DIAPH2: variants seen among roughly 807,000 people sequenced by gnomAD.
The protein encoded by DIAPH2 is diaphanous related formin 2.
In DIAPH2, 35 loss-of-function variants were observed where a neutral mutation model predicts 92.7. That is an observed-to-expected ratio of 0.38 (90% CI 0.29 to 0.50). DIAPH2 has a LOEUF of 0.50. DIAPH2 is among the 20% of genes least tolerant of loss of function. DIAPH2 has a pLI of 0.94. For synonymous variants in DIAPH2, 301 were observed against 280.4 expected, an observed-to-expected ratio of 1.07 and a Z score of -0.73; for missense variants, 701 against 819.5, an observed-to-expected ratio of 0.86 and a Z score of 1.77.
chrX:97,530,264 A>T (rs910194852), intron 26 of DIAPH2, among the ~76,000 whole-genome samples: 9 of 111,678 alleles, frequency 8.1e-5, no homozygotes, highest in African/African-American at 2.9e-4. Flanking sequence ...AAAAAGCCTA[A>T]CCCGTCAAGC....
chrX:96,948,980 CA>C lies in DIAPH2; in HGVS notation c.1561del (p.Arg521GlufsTer40). 1 of 1,203,886 alleles carries C rather than the reference CA, an allele frequency of 8.3e-7. No individual in the cohort carries two copies. On this transcript the variant is annotated frameshift_variant, in exon 15 of 27. Coordinates refer to ENST00000324765, the MANE Select transcript of DIAPH2 (RefSeq NM_006729.5). LOFTEE classifies it high-confidence loss of function. Reference sequence around the variant, plus strand: ...TCGACAGGAAGCTCAAGCAGAGCTTCAAAAAAGAGATGAGAAAATCAAAGAA... The same window carrying C: ...TCGACAGGAAGCTCAAGCAGAGCTTCAAAAAGAGATGAGAAAATCAAAGAA... ...TARQEAQAEL[Q>X]KRDEKIKELE... is the part of the protein sequence containing the mutation.
chrX:97,597,900 C>T (rs146106282), intron 26 of DIAPH2, among the ~76,000 whole-genome samples: 1 of 111,457 alleles, frequency 9.0e-6, no homozygotes, highest in African/African-American at 3.3e-5. Flanking sequence ...TCTCACCTCT[C>T]AGTGATATTA....
chrX:96,765,318 C>T (rs112678154), intron 4 of DIAPH2, among the ~76,000 whole-genome samples: 8,844 of 107,739 alleles, frequency 0.082, 391 homozygotes, highest in Non-Finnish European at 0.12. Context: ...CCACCTTAGC[C>T]TCCAGAATAG....
intron 24 of DIAPH2, among the ~76,000 whole-genome samples, chrX:97,373,551 G>T (rs1413874076): frequency 9.4e-6 from 1 of 106,463 alleles, no homozygotes; most frequent in Non-Finnish European, 1.9e-5. Context: ...AAGGTGGTCA[G>T]GGAAGGCTTC....
intron 5 of DIAPH2, among the ~76,000 whole-genome samples, chrX:96,887,889 T>C (rs1427183613): frequency 2.7e-5 from 3 of 111,449 alleles, no homozygotes; most frequent in Non-Finnish European, 1.9e-5. Flanking sequence ...AGTTAACATT[T>C]TAACATTTAT....
chrX:96,864,949 A>G (rs1569415512), intron 4 of DIAPH2, among the ~76,000 whole-genome samples: 1 of 112,205 alleles, frequency 8.9e-6, no homozygotes, highest in African/African-American at 3.2e-5. Flanking sequence ...GATTACTGAA[A>G]TATTTTTTTC....
intron 21 of DIAPH2, among the ~76,000 whole-genome samples, chrX:97,117,225 T>G (rs2067022963): frequency 9.0e-6 from 1 of 111,143 alleles, no homozygotes; most frequent in African/African-American, 3.3e-5. Context: ...ATGTATAGGA[T>G]TCGAAGGATG....
At chrX:97,088,801 A>G (rs143590100) in intron 19 of DIAPH2, among the ~76,000 whole-genome samples, 1,170 of 112,174 alleles carry the variant, frequency 0.01, 10 homozygotes, top group Middle Eastern at 0.073. Flanking sequence ...GTTTTGATTA[A>G]CGCTTCGTTC....
chrX:97,274,252 G>C (rs561326970), intron 23 of DIAPH2, among the ~76,000 whole-genome samples: 18 of 111,030 alleles, frequency 1.6e-4, no homozygotes, highest in Admixed American at 1.4e-3. Context: ...GCTCATGCCT[G>C]TAATCCCAGC....
chrX:96,878,485 G>A (rs2065192905), intron 4 of DIAPH2, among the ~76,000 whole-genome samples: 1 of 111,953 alleles, frequency 8.9e-6, no homozygotes, highest in Non-Finnish European at 1.9e-5. Context: ...ATGAACTTAT[G>A]TTAAAATCTC....
chrX:97,087,127 A>C (rs973912264), intron 19 of DIAPH2, among the ~76,000 whole-genome samples: 4 of 111,563 alleles, frequency 3.6e-5, no homozygotes, highest in African/African-American at 1.3e-4. Flanking sequence ...AAAAATACTT[A>C]ATTTTACTTA....
chrX:97,393,065 A>G (rs1019925471), intron 25 of DIAPH2, among the ~76,000 whole-genome samples: 4 of 110,771 alleles, frequency 3.6e-5, no homozygotes, highest in Non-Finnish European at 7.6e-5. Flanking sequence ...CATTATGGGA[A>G]TTCATTTAGG....
chrX:97,049,019 G>C (rs2066503072), intron 17 of DIAPH2, among the ~76,000 whole-genome samples: 1 of 109,772 alleles, frequency 9.1e-6, no homozygotes, highest in Non-Finnish European at 1.9e-5. Flanking sequence ...TGCTAGGTGT[G>C]TGCTCATTGC....
intron 3 of DIAPH2, among the ~76,000 whole-genome samples, chrX:96,752,282 C>T (rs1195768198): frequency 1.8e-5 from 2 of 111,618 alleles, no homozygotes; most frequent in African/African-American, 6.5e-5. Context: ...TCCAATCAAC[C>T]TATGCAGCAA....
chrX:96,688,412 G>C (rs991155180), intron 1 of DIAPH2, among the ~76,000 whole-genome samples: 6 of 111,693 alleles, frequency 5.4e-5, no homozygotes, highest in Non-Finnish European at 9.4e-5. Flanking sequence ...TCGGCCCACT[G>C]CAACCTCTGC....
At chrX:97,437,140 T>C (rs1156659739) in intron 26 of DIAPH2, among the ~76,000 whole-genome samples, 2 of 111,628 alleles carry the variant, frequency 1.8e-5, no homozygotes, top group South Asian at 3.8e-4. Context: ...TTGTTTTGTT[T>C]TATTATTACT....
At chrX:97,132,416 G>A in intron 21 of DIAPH2, among the ~76,000 whole-genome samples, 1 of 111,707 alleles carries the variant, frequency 9.0e-6, no homozygotes, top group Admixed American at 9.6e-5. Context: ...AACCTGTCCG[G>A]TCATAGCTAC....
chrX:97,410,735 G>A lies in DIAPH2; in HGVS notation c.3146-18915G>A, dbSNP rs148337420. On this transcript the variant is annotated intron_variant, in intron 25 of 26. Coordinates refer to ENST00000324765, the MANE Select transcript of DIAPH2 (RefSeq NM_006729.5). ...GACACCTGATGGAGCTGAAAACCATGGCATGAGAACTACGTGATGCATGCA... is the reference window on the plus strand; with the variant it reads ...GACACCTGATGGAGCTGAAAACCATAGCATGAGAACTACGTGATGCATGCA... Among the ~76,000 whole-genome samples, 626 of 111,886 alleles carry A rather than the reference G, an allele frequency of 5.6e-3. 2 individuals are homozygous for A. The highest frequency in any genetic ancestry group is 0.019 in the African/African-American group (592 of 30,805).
In DIAPH2 at chrX:96,738,741, G is replaced by A. The variant is rs1159281372; in HGVS notation, c.321G>A (p.Leu107=). Residue 107 remains leucine (L), a synonymous_variant, in exon 3 of 27, where the codon TTG becomes TTA. Coordinates refer to ENST00000324765, the MANE Select transcript of DIAPH2 (RefSeq NM_006729.5). ...TGAATTTGTCAGAAAAGGAAGTATT[G>A]GATCTCTTTGAAAAAATGATGGTAA... ...RSLNLSEKEV[L]DLFEKMMEDM... 8.3e-7 allele frequency: 1 copy of A among 1,201,480 alleles called. No homozygotes were observed. Among genetic ancestry groups the A allele is most frequent in the Non-Finnish European group, 1.1e-6 (1 of 891,269 alleles).
Sources: gnomAD v4.1 joint callset for allele counts (sites outside exome capture counted in the v4.1 genomes callset) on GRCh38, gnomAD v4.1.1 for gene constraint, MANE v1.5 for transcripts, NCBI Gene and HGNC (gene_info 2026-07-23, HGNC 2026-07-21) for gene names.